The following TSHZ2 variants were observed in gnomAD, a reference collection of about 807,000 sequenced individuals.
TSHZ2 encodes the protein teashirt homolog 2.
In TSHZ2, 21 loss-of-function variants were observed where a neutral mutation model predicts 74.4. The ratio of observed to expected loss-of-function variants is 0.28; its 90% CI spans 0.20 to 0.41. The LOEUF is 0.41. Ranked by LOEUF, TSHZ2 falls within the 10% of genes least tolerant of loss-of-function variation. The pLI is 1.00. For missense variants in TSHZ2, 1,244 were observed against 1,293.5 expected (o/e 0.96, Z 0.59); for synonymous variants, 540 against 515.3 (o/e 1.05, Z -0.65).
chr20:53,308,289 C>T lies in TSHZ2; in HGVS notation c.*8+51718C>T, dbSNP rs1057507539. Among the ~76,000 whole-genome samples, 8 of 152,086 alleles carry T rather than the reference C, an allele frequency of 5.3e-5. No homozygotes were observed. In the South Asian group the frequency reaches 6.2e-4, roughly 12 times the overall value. On this transcript the variant is annotated intron_variant, in intron 2 of 2. Coordinates refer to ENST00000371497, the MANE Select transcript of TSHZ2 (RefSeq NM_173485.6). The stretch of plus-strand genomic sequence containing the variant: ...CTTTCTTTCTTTGACCTCAAAAGGG[C>T]GAGTTCAGGAAAATGTTGATTCTGG...
chr20:53,072,277 T>G (rs931561609), intron 1 of TSHZ2, among the ~76,000 whole-genome samples: 1 of 152,218 alleles, frequency 6.6e-6, no homozygotes, highest in African/African-American at 2.4e-5. Flanking sequence ...CATCCCATGT[T>G]TTTGGCTTCT....
At chr20:52,985,784 G>C (rs545281549) in intron 1 of TSHZ2, among the ~76,000 whole-genome samples, 42 of 152,232 alleles carry the variant, frequency 2.8e-4, no homozygotes, top group African/African-American at 9.1e-4. Context: ...ATGTCTCTAC[G>C]GGGAAAGGTT....
rs530894058 is a variant in TSHZ2, at chr20:53,355,630, G to A, written c.*8+99059G>A. ...TGGGAATGAAGAGTGACTGCAAATG[G>A]GCACTAGTTTTCTTTTTGGGAAGAA... On this transcript the variant is annotated intron_variant, in intron 2 of 2. Coordinates refer to ENST00000371497, the MANE Select transcript of TSHZ2 (RefSeq NM_173485.6). Among the ~76,000 whole-genome samples, 6 of 152,216 alleles carry A rather than the reference G, an allele frequency of 3.9e-5. No homozygotes were observed. The East Asian group carries it at 1.2e-3, about 29-fold the overall frequency.
chr20:53,081,207 T>C (rs1985524509), intron 1 of TSHZ2, among the ~76,000 whole-genome samples: 1 of 152,102 alleles, frequency 6.6e-6, no homozygotes, highest in African/African-American at 2.4e-5. Flanking sequence ...TATTATTTTT[T>C]ATTTTGTAAA....
At chr20:53,134,526 G>C (rs1987192752) in intron 1 of TSHZ2, among the ~76,000 whole-genome samples, 1 of 152,096 alleles carries the variant, frequency 6.6e-6, no homozygotes, top group African/African-American at 2.4e-5. Context: ...TGGGCATTTG[G>C]AAAGGGGGGA....
intron 1 of TSHZ2, among the ~76,000 whole-genome samples, chr20:53,057,804 G>C (rs1051684497): frequency 2.0e-5 from 3 of 152,138 alleles, no homozygotes; most frequent in Non-Finnish European, 4.4e-5. Context: ...GTAAGCACGT[G>C]GTAATAGAAA....
chr20:53,417,412 G>A (rs957411991), intron 2 of TSHZ2, among the ~76,000 whole-genome samples: 9 of 151,808 alleles, frequency 5.9e-5, no homozygotes, highest in African/African-American at 1.7e-4. Context: ...TTCTCCTGCC[G>A]CAGCCTCCCA....
At chr20:53,386,068 G>A (rs935801350) in intron 2 of TSHZ2, among the ~76,000 whole-genome samples, 1 of 152,032 alleles carries the variant, frequency 6.6e-6, no homozygotes, top group Non-Finnish European at 1.5e-5. Context: ...ACTGGAGAAG[G>A]CCAGGCCCTG....
chr20:53,098,293 G>A (rs569270948), intron 1 of TSHZ2, among the ~76,000 whole-genome samples: 3 of 152,174 alleles, frequency 2.0e-5, no homozygotes, highest in Non-Finnish European at 4.4e-5. Flanking sequence ...TTCATCTTGA[G>A]ATAAAAACAA....
intron 2 of TSHZ2, among the ~76,000 whole-genome samples, chr20:53,279,577 C>T (rs1298392617): frequency 6.6e-6 from 1 of 152,186 alleles, no homozygotes; most frequent in Non-Finnish European, 1.5e-5. Flanking sequence ...GTTTTATTTC[C>T]TTCATAAAAT....
intron 1 of TSHZ2, among the ~76,000 whole-genome samples, chr20:53,075,240 C>T (rs1936966): frequency 0.28 from 41,829 of 152,104 alleles, 5,996 homozygotes; most frequent in Non-Finnish European, 0.32. Context: ...CAGGTAGTCT[C>T]AGACTTTTTC....
intron 2 of TSHZ2, among the ~76,000 whole-genome samples, chr20:53,269,046 G>A (rs1034411570): frequency 1.3e-5 from 2 of 151,910 alleles, no homozygotes; most frequent in Non-Finnish European, 1.5e-5. Flanking sequence ...AAACAGGCTG[G>A]CACAAATTGG....
chr20:53,120,922 A>G (rs1986790781), intron 1 of TSHZ2, among the ~76,000 whole-genome samples: 1 of 152,254 alleles, frequency 6.6e-6, no homozygotes, highest in South Asian at 2.1e-4. Context: ...GAAGATGTAC[A>G]AAATTGTCAT....
intron 1 of TSHZ2, among the ~76,000 whole-genome samples, chr20:53,078,717 A>G (rs1419338347): frequency 1.3e-5 from 2 of 152,204 alleles, no homozygotes; most frequent in Non-Finnish European, 2.9e-5. Context: ...AGCAATAGAG[A>G]TGTAGAGAAG....
intron 1 of TSHZ2, among the ~76,000 whole-genome samples, chr20:53,041,219 C>T (rs929890837): frequency 7.9e-5 from 12 of 152,320 alleles, no homozygotes; most frequent in Middle Eastern, 3.4e-3. Context: ...GAGGCCTTGG[C>T]GTTGCCAAGT....
At chr20:53,068,960 TA>T (rs200109716) in intron 1 of TSHZ2, among the ~76,000 whole-genome samples, 2,161 of 147,270 alleles carry the variant, frequency 0.015, 37 homozygotes, top group South Asian at 0.07. Context: ...TTTCTTAAAA[TA>T]AAAAAAAAGG....
At chr20:53,422,909 G>A (rs1251638611) in intron 2 of TSHZ2, among the ~76,000 whole-genome samples, 1 of 152,170 alleles carries the variant, frequency 6.6e-6, no homozygotes, top group Non-Finnish European at 1.5e-5. Context: ...CTTAACAGTA[G>A]TAATTTGATT....
chr20:53,100,867 A>C (rs79444980), intron 1 of TSHZ2, among the ~76,000 whole-genome samples: 1,823 of 152,132 alleles, frequency 0.012, 27 homozygotes, highest in Middle Eastern at 0.027. Flanking sequence ...TTTATGCCCA[A>C]CTCCCCTCGC....
intron 1 of TSHZ2, among the ~76,000 whole-genome samples, chr20:53,207,858 CT>C (rs58457116): frequency 0.14 from 13,447 of 96,590 alleles, 428 homozygotes; most frequent in African/African-American, 0.19. Flanking sequence ...CATTGTTTTA[CT>C]TTTTTTTTTT....
Sources: gnomAD v4.1 joint callset for allele counts (sites outside exome capture counted in the v4.1 genomes callset) on GRCh38, gnomAD v4.1.1 for gene constraint, MANE v1.5 for transcripts, NCBI Gene and HGNC (gene_info 2026-07-23, HGNC 2026-07-21) for gene names.